ERBIN: variants seen among roughly 807,000 people sequenced by gnomAD.
ERBIN encodes erbb2 interacting protein.
Under a neutral mutation model 158.4 loss-of-function variants are expected in ERBIN, and 60 were observed. That is an observed-to-expected ratio of 0.38 (90% CI 0.31 to 0.47). ERBIN has a LOEUF of 0.47. ERBIN is among the 20% of genes least tolerant of loss of function. The pLI, the probability that ERBIN is intolerant of heterozygous loss-of-function variation, is 0.99. For synonymous variants in ERBIN, 594 were observed against 557.2 expected (o/e 1.07, Z -0.93); for missense variants, 1,610 against 1,648.0 (o/e 0.98, Z 0.40).
At chr5:66,063,628 C>T (rs1034760183) in intron 21 of ERBIN, among the ~76,000 whole-genome samples, 1 of 152,198 alleles carries the variant, frequency 6.6e-6, no homozygotes, top group Non-Finnish European at 1.5e-5. Context: ...TCTTCTGCGT[C>T]GCTCACGCTG....
At position 66,071,011 on chromosome 5, in the gene ERBIN, TTGAAG is replaced by T. The variant is rs781239464; in HGVS notation, c.3634-1153_3634-1149del. Among the ~76,000 whole-genome samples, 225 of 152,282 alleles carry T rather than the reference TTGAAG, an allele frequency of 1.5e-3. 1 individual carries two copies. Among genetic ancestry groups the T allele is most frequent in the African/African-American group, 5.1e-3 (210 of 41,550 alleles). Reference sequence around the variant, plus strand: ...TATAGGGATGTGTTTAGAACTAAAATTGAAGTGAAAAACATATGTGTCTTGCTTCC... The same window carrying T: ...TATAGGGATGTGTTTAGAACTAAAATTGAAAAACATATGTGTCTTGCTTCC... On this transcript the variant is annotated intron_variant, in intron 21 of 25. Coordinates refer to ENST00000284037, the MANE Select transcript of ERBIN (RefSeq NM_001253697.2).
intron 9 of ERBIN, 103 bp downstream of exon 9, chr5:66,023,467 AATT>A (rs1270506903): frequency 1.9e-4 from 120 of 639,084 alleles, no homozygotes; most frequent in Non-Finnish European, 2.7e-4. Context: ...AAAAAAATTG[AATT>A]ATTCTTTATT....
At chr5:66,022,231 ATC>A (rs1755776269) in intron 8 of ERBIN, among the ~76,000 whole-genome samples, 1 of 152,154 alleles carries the variant, frequency 6.6e-6, no homozygotes, top group South Asian at 2.1e-4. Context: ...CAAATTATTT[ATC>A]TGTTACGTCC....
chr5:65,926,912 A>C (rs1034143163), intron 1 of ERBIN, 106 bp downstream of exon 1: 2 of 151,998 alleles, frequency 1.3e-5, no homozygotes, highest in African/African-American at 2.4e-5. Flanking sequence ...AGTTGCCCTA[A>C]ACCCTCCTTT....
chr5:66,059,716 G>A (rs148224117), intron 21 of ERBIN, among the ~76,000 whole-genome samples: 3,199 of 152,226 alleles, frequency 0.021, 115 homozygotes, highest in African/African-American at 0.071. Flanking sequence ...CGTCCCATCA[G>A]TACCTAATTT....
chr5:66,038,390 C>A lies in ERBIN; in HGVS notation c.1214C>A (p.Pro405His). The A allele has an allele frequency of 6.2e-7, 1 of 1,606,520 alleles. No homozygotes were observed. Among genetic ancestry groups the A allele is most frequent in the Non-Finnish European group, 8.5e-7 (1 of 1,176,040 alleles). The change falls in exon 15 of 26, where the codon CCC (proline) becomes CAC (histidine). Residue 405 changes from proline to histidine, a missense_variant. This residue lies in a region of ERBIN where 596 missense variants were observed against 711.9 expected (regional missense o/e 0.84). Transcript: ENST00000284037. Reference sequence around the variant, plus strand: ...TTTATTTTCCTTCTCTAGTCCAAACCCCTGATACCTCTTCAAAAAGAAACT... The same window carrying A: ...TTTATTTTCCTTCTCTAGTCCAAACACCTGATACCTCTTCAAAAAGAAACT... The part of the protein sequence containing the change: ...AMWLSDNQSK[P>H]LIPLQKETDS...
intron 1 of ERBIN, among the ~76,000 whole-genome samples, chr5:65,948,427 GC>G (rs1746072857): frequency 6.6e-6 from 1 of 151,844 alleles, no homozygotes; most frequent in African/African-American, 2.4e-5. Flanking sequence ...TTCTCCTGCT[GC>G]AGCATCCCAA....
At chr5:65,940,536 C>A (rs1214494924) in intron 1 of ERBIN, among the ~76,000 whole-genome samples, 1 of 136,986 alleles carries the variant, frequency 7.3e-6, no homozygotes, top group Non-Finnish European at 1.6e-5. Context: ...CAGCCCCCTG[C>A]CCGGCCAGCC....
chr5:66,051,515 AAAAG>A (rs2151229888), intron 20 of ERBIN, among the ~76,000 whole-genome samples: 1 of 152,308 alleles, frequency 6.6e-6, no homozygotes, highest in South Asian at 2.1e-4. Context: ...AAAAGAAAAA[AAAAG>A]AAGAAATTTG....
intron 4 of ERBIN, among the ~76,000 whole-genome samples, chr5:66,007,107 C>G: frequency 6.6e-6 from 1 of 151,980 alleles, no homozygotes; most frequent in Admixed American, 6.5e-5. Context: ...TATTGTGGCA[C>G]TCTTCACAAT....
chr5:65,996,611 ATTCAGTCTTTTGTGGCTCC>A (rs1294772664), intron 4 of ERBIN, among the ~76,000 whole-genome samples: 24 of 151,986 alleles, frequency 1.6e-4, no homozygotes, highest in African/African-American at 4.6e-4. Context: ...TGCTTTGGGT[ATTCAGTCTTTTGTGGCTCC>A]ATATGAATCA....
intron 1 of ERBIN, among the ~76,000 whole-genome samples, chr5:65,943,268 G>T (rs1348183899): frequency 6.6e-6 from 1 of 152,150 alleles, no homozygotes; most frequent in East Asian, 1.9e-4. Context: ...AGGAGGAATT[G>T]GGAATACTCT....
chr5:66,024,234 A>G (rs1162633239), intron 9 of ERBIN, 72 bp from the exon 10 acceptor site: 2 of 1,063,210 alleles, frequency 1.9e-6, no homozygotes, highest in East Asian at 5.3e-5. Context: ...CTTGGTATCA[A>G]GTTTATTCCC....
intron 1 of ERBIN, among the ~76,000 whole-genome samples, chr5:65,935,759 C>A (rs190088301): frequency 1.3e-5 from 2 of 152,296 alleles, no homozygotes; most frequent in East Asian, 3.9e-4. Context: ...GGGTCTCGCT[C>A]TGTCGCCCAG....
In ERBIN at chr5:66,053,518, G is replaced by T; in HGVS notation, c.2200G>T (p.Asp734Tyr). ...AAAAGATTTTAACTTACCTGAATAT[G>T]ATTTGAATGTTGAAGAGCGATTAGT... Reference protein sequence around the residue: ...DKKDFNLPEYDLNVEERLVLI... With the variant: ...DKKDFNLPEYYLNVEERLVLI... Residue 734 changes from aspartate (D) to tyrosine (Y), a missense_variant, in exon 21 of 26, where the codon GAT (aspartate) becomes TAT (tyrosine). Physicochemically the swap from Asp to Tyr is radical, Grantham distance 160 (BLOSUM62 -3). This residue lies in a region of ERBIN where 1,014 missense variants were observed against 936.1 expected (regional missense o/e 1.08). Transcript: ENST00000284037. 1 of 1,611,924 alleles carries T rather than the reference G, an allele frequency of 6.2e-7. No individual in the cohort carries two copies. The highest frequency in any genetic ancestry group is 1.1e-5 in the South Asian group (1 of 90,696).
At chr5:65,997,635 C>G (rs1752576150) in intron 4 of ERBIN, among the ~76,000 whole-genome samples, 2 of 152,036 alleles carry the variant, frequency 1.3e-5, no homozygotes, top group African/African-American at 4.8e-5. Context: ...TCACTAAACG[C>G]TAAATACTGT....
chr5:65,948,564 A>G (rs1009751972), intron 1 of ERBIN, among the ~76,000 whole-genome samples: 4 of 152,180 alleles, frequency 2.6e-5, no homozygotes, highest in Non-Finnish European at 5.9e-5. Flanking sequence ...AGGGTAGGCT[A>G]ATGTAGTTTA....
chr5:65,992,613 A>G (rs986960295), intron 2 of ERBIN, 97 bp from the exon 3 acceptor site: 1 of 874,962 alleles, frequency 1.1e-6, no homozygotes, highest in African/African-American at 1.7e-5. Flanking sequence ...AGAAGTGTTT[A>G]TCTGTGACAT....
intron 1 of ERBIN, among the ~76,000 whole-genome samples, chr5:65,949,859 A>G (rs564222331): frequency 6.6e-6 from 1 of 152,064 alleles, no homozygotes; most frequent in Admixed American, 6.5e-5. Context: ...ATTTTTGTGG[A>G]GACAGTTTTG....
Sources: allele counts gnomAD v4.1 joint callset (sites outside exome capture counted in the v4.1 genomes callset), GRCh38; gene constraint gnomAD v4.1.1; regional missense constraint gnomAD v4.1.1; transcripts MANE v1.5; gene names NCBI Gene and HGNC (gene_info 2026-07-23, HGNC 2026-07-21).